RASAL2: variants seen among roughly 807,000 people sequenced by gnomAD.
RASAL2 encodes the protein ras GTPase-activating protein nGAP.
A neutral mutation model predicts 128.9 loss-of-function variants in RASAL2; 58 were observed. That is an observed-to-expected ratio of 0.45 (90% CI 0.36 to 0.56). RASAL2 has a LOEUF of 0.56. RASAL2 is among the 20% of genes least tolerant of loss of function. The pLI is 0.00. For synonymous variants in RASAL2, 561 were observed against 580.8 expected (o/e 0.97, Z 0.49); for missense variants, 1,360 against 1,601.6 (o/e 0.85, Z 2.57).
At chr1:178,429,656 TTAGC>T (rs1675755706) in intron 5 of RASAL2, among the ~76,000 whole-genome samples, 2 of 152,154 alleles carry the variant, frequency 1.3e-5, no homozygotes, top group Admixed American at 1.3e-4. Flanking sequence ...TCTGTAATCT[TTAGC>T]TACCGCACAA....
At position 178,335,926 on chromosome 1, in the gene RASAL2, A is replaced by AC. The variant is rs1234001358; in HGVS notation, c.457+35808_457+35809insC. Among the ~76,000 whole-genome samples the AC allele has an allele frequency of 1.3e-5, 2 of 151,736 alleles. 1 individual carries two copies. Among genetic ancestry groups the AC allele is most frequent in the Non-Finnish European group, 2.9e-5 (2 of 67,924 alleles). ...GTATAGAAAGCTATGAAGAGGAAAA[A>AC]AAAAAACCCAAAATGCCAATTAAAG... On this transcript the variant is annotated intron_variant, in intron 3 of 17. Transcript: ENST00000367649.
intron 1 of RASAL2, among the ~76,000 whole-genome samples, chr1:178,160,651 A>C (rs1354019970): frequency 3.3e-5 from 5 of 152,180 alleles, no homozygotes; most frequent in African/African-American, 9.7e-5. Flanking sequence ...AATAATAATA[A>C]TGAAAACAAA....
At chr1:178,407,821 G>A (rs1180591250) in intron 4 of RASAL2, among the ~76,000 whole-genome samples, 1 of 152,188 alleles carries the variant, frequency 6.6e-6, no homozygotes, top group Non-Finnish European at 1.5e-5. Context: ...TGCTGGCAAG[G>A]CATTGTCCCT....
intron 3 of RASAL2, among the ~76,000 whole-genome samples, chr1:178,338,692 C>T (rs565052798): frequency 3.3e-5 from 5 of 152,164 alleles, no homozygotes; most frequent in South Asian, 2.1e-4. Flanking sequence ...GTTTTCAAAC[C>T]ATTTATTTAT....
intron 1 of RASAL2, among the ~76,000 whole-genome samples, chr1:178,136,836 T>C (rs558289532): frequency 7.0e-6 from 1 of 143,654 alleles, no homozygotes; most frequent in Admixed American, 6.9e-5. Context: ...TGATGAGATA[T>C]ATTTAAACTG....
chr1:178,442,525 C>T, intron 7 of RASAL2, 150 bp from the exon 8 acceptor site: 1 of 592,254 alleles, frequency 1.7e-6, no homozygotes, highest in South Asian at 2.7e-5. Context: ...TTAGAGCTTG[C>T]TGTTAACCTA....
At chr1:178,402,382 C>T (rs530926317) in intron 4 of RASAL2, among the ~76,000 whole-genome samples, 15 of 149,684 alleles carry the variant, frequency 1.0e-4, no homozygotes, top group South Asian at 2.1e-4. Flanking sequence ...CCAGCCTGGG[C>T]GACAGAGCGA....
chr1:178,108,977 A>G (rs1378817948), intron 1 of RASAL2, among the ~76,000 whole-genome samples: 7 of 152,194 alleles, frequency 4.6e-5, no homozygotes, highest in Non-Finnish European at 1.5e-5. Context: ...AATATAAAAT[A>G]TGGACTTTTT....
chr1:178,319,919 G>C (rs1431985086), intron 3 of RASAL2, among the ~76,000 whole-genome samples: 1 of 152,188 alleles, frequency 6.6e-6, no homozygotes, highest in Non-Finnish European at 1.5e-5. Context: ...CTCCATCTTT[G>C]TGGTTTTATC....
intron 1 of RASAL2, among the ~76,000 whole-genome samples, chr1:178,095,504 G>C (rs542321682): frequency 6.6e-6 from 1 of 152,270 alleles, no homozygotes; most frequent in South Asian, 2.1e-4. Flanking sequence ...GATGTTTATC[G>C]CCTAGCTCAC....
chr1:178,207,030 A>G lies in RASAL2; in HGVS notation c.203-76534A>G, dbSNP rs140468217. Among the ~76,000 whole-genome samples the G allele has an allele frequency of 3.2e-4, 48 of 151,952 alleles. No homozygotes were observed. The East Asian group carries it at 6.2e-3, about 20-fold the overall frequency. The stretch of plus-strand genomic sequence containing the variant: ...TCTTTCCTAAAAATAAAAAATATAT[A>G]TATTAGCTGGGCATGGTGTTGCAAA... On this transcript the variant is annotated intron_variant, in intron 1 of 17. Transcript: ENST00000367649.
chr1:178,364,095 C>CAA (rs1331381002), intron 3 of RASAL2, among the ~76,000 whole-genome samples: 19 of 108,238 alleles, frequency 1.8e-4, no homozygotes, highest in South Asian at 9.1e-4. Flanking sequence ...GACTCCATCT[C>CAA]AAAAAAAAAA....
chr1:178,346,729 T>G (rs1313770939), intron 3 of RASAL2, among the ~76,000 whole-genome samples: 1 of 152,214 alleles, frequency 6.6e-6, no homozygotes, highest in Non-Finnish European at 1.5e-5. Context: ...TACCATTCTC[T>G]TCTCATCTCT....
intron 4 of RASAL2, among the ~76,000 whole-genome samples, chr1:178,398,118 A>G (rs1383588661): frequency 1.3e-5 from 2 of 152,070 alleles, no homozygotes; most frequent in Non-Finnish European, 2.9e-5. Flanking sequence ...CTTATTTTCT[A>G]CAGTTTTTTT....
Position 178,457,728 on chromosome 1 carries a change from C to T in RASAL2, c.2436C>T (p.Ser812=), listed in dbSNP as rs1290924822. Residue 812 remains serine (S), a synonymous_variant, in exon 14 of 18, where the codon AGC becomes AGT. Coordinates refer to ENST00000367649, the MANE Select transcript of RASAL2 (RefSeq NM_170692.4). ...LKSPSQDNTD[S]YFRGKTLLLV... ...CTCCAAGCCAGGACAACACAGACAG[C>T]TACTTCAGAGGGAAAACATTATTGC... The T allele has an allele frequency of 4.3e-6, 7 of 1,614,152 alleles. No homozygotes were observed. Among genetic ancestry groups the T allele is most frequent in the Non-Finnish European group, 5.1e-6 (6 of 1,180,010 alleles).
intron 1 of RASAL2, among the ~76,000 whole-genome samples, chr1:178,132,189 T>C (rs1425196119): frequency 6.6e-6 from 1 of 152,034 alleles, no homozygotes; most frequent in African/African-American, 2.4e-5. Flanking sequence ...TGCAAGTGTA[T>C]ACCACTATGC....
intron 2 of RASAL2, among the ~76,000 whole-genome samples, chr1:178,284,278 A>G (rs979243303): frequency 2.0e-5 from 3 of 152,232 alleles, no homozygotes; most frequent in African/African-American, 7.2e-5. Context: ...CACAGTCTCT[A>G]TACCAAACAA....
At chr1:178,099,950 A>G (rs978792441) in intron 1 of RASAL2, among the ~76,000 whole-genome samples, 6 of 152,064 alleles carry the variant, frequency 3.9e-5, no homozygotes, top group Non-Finnish European at 8.8e-5. Flanking sequence ...TGACAGAGTG[A>G]GACTATCTCA....
At chr1:178,308,932 C>T (rs1376274765) in intron 3 of RASAL2, among the ~76,000 whole-genome samples, 2 of 151,990 alleles carry the variant, frequency 1.3e-5, no homozygotes, top group Non-Finnish European at 2.9e-5. Flanking sequence ...TGTAGAACTA[C>T]TGGATGGTAA....
Sources: allele counts gnomAD v4.1 joint callset (sites outside exome capture counted in the v4.1 genomes callset), GRCh38; gene constraint gnomAD v4.1.1; transcripts MANE v1.5; gene names NCBI Gene and HGNC (gene_info 2026-07-23, HGNC 2026-07-21).